The following TMEM116 variants were observed in gnomAD, a reference collection of about 807,000 sequenced individuals.
TMEM116 encodes transmembrane protein 116.
TMEM116 carries 38 observed loss-of-function variants against 44.3 expected under a neutral mutation model. That is an observed-to-expected ratio of 0.86 (90% confidence interval 0.66 to 1.12). TMEM116 has a LOEUF of 1.12. Among genes scored for constraint, TMEM116 ranks in the 50% most tolerant of loss-of-function variants. The pLI is 0.00. For missense variants in TMEM116, 354 were observed against 401.7 expected (o/e 0.88, Z 1.01); for synonymous variants, 132 against 144.8 (o/e 0.91, Z 0.64).
rs867940390 is a variant in TMEM116 at position 111,993,272 on chromosome 12, G to A, written c.79-1383C>T. The A allele has an allele frequency of 8.8e-5, 40 of 456,776 alleles. 1 individual carries two copies. The highest frequency in any genetic ancestry group is 6.4e-4 in the South Asian group (35 of 54,686). The allele number at this position is 456,776 out of a possible 1,614,324, so 28.3% of individuals were successfully genotyped here. On this transcript the variant is annotated intron_variant, in intron 3 of 10. Transcript: ENST00000552374. The stretch of plus-strand genomic sequence containing the variant: ...GTTTAGTGAAATGCTGTATGCAGGT[G>A]GACCCCCAAAAGTAGAAGGGCATAT...
chr12:112,003,294 C>A (rs376402932), intron 3 of TMEM116, among the ~76,000 whole-genome samples: 6 of 152,112 alleles, frequency 3.9e-5, no homozygotes, highest in South Asian at 2.1e-4. Context: ...CAGGGCTGGG[C>A]GCGGTGGCTC....
chr12:112,006,050 T>C, intron 1 of TMEM116: 1 of 932,730 alleles, frequency 1.1e-6, no homozygotes, highest in Non-Finnish European at 1.3e-6. Flanking sequence ...AGTCAGGTTC[T>C]GAATCCTGAA....
At chr12:111,993,289 A>C in intron 3 of TMEM116, 3 of 465,278 alleles carry the variant, frequency 6.4e-6, no homozygotes, top group South Asian at 5.3e-5. Flanking sequence ...CAAAAGTAGA[A>C]GGGCATATTT....
intron 4 of TMEM116, among the ~76,000 whole-genome samples, chr12:111,949,874 G>A (rs2073578368): frequency 6.6e-6 from 1 of 152,156 alleles, no homozygotes; most frequent in Admixed American, 6.5e-5. Flanking sequence ...CAGCACTTTG[G>A]AAGACCGAGG....
At chr12:111,943,421 A>C in intron 4 of TMEM116, 52 bp from the exon 5 acceptor site, 1 of 1,285,982 alleles carries the variant, frequency 7.8e-7, no homozygotes, top group Non-Finnish European at 1.1e-6. Context: ...TGACACTGTG[A>C]AGTTCTTTCA....
chr12:111,931,965 T>C, intron 10 of TMEM116, 138 bp from the exon 11 acceptor site: 1 of 629,588 alleles, frequency 1.6e-6, no homozygotes. Flanking sequence ...CAGTTTTTTA[T>C]ATTTTTCTAG....
chr12:111,988,136 A>G (rs1457358083), intron 4 of TMEM116, among the ~76,000 whole-genome samples: 1 of 152,182 alleles, frequency 6.6e-6, no homozygotes, highest in African/African-American at 2.4e-5. Flanking sequence ...ATTCATAGAG[A>G]CAGAAAGTAG....
chr12:111,979,453 CAGAA>C (rs1238848524), intron 4 of TMEM116, among the ~76,000 whole-genome samples: 3 of 152,052 alleles, frequency 2.0e-5, no homozygotes, highest in Admixed American at 6.6e-5. Context: ...AGAAGGAAAA[CAGAA>C]AGCAGACTGG....
chr12:111,999,393 C>G (rs1380367547), intron 3 of TMEM116, among the ~76,000 whole-genome samples: 2 of 152,036 alleles, frequency 1.3e-5, no homozygotes, highest in Admixed American at 6.6e-5. Flanking sequence ...GTCAGGAGTT[C>G]AACACCAGCT....
At chr12:111,987,502 C>A (rs1208707069) in intron 4 of TMEM116, among the ~76,000 whole-genome samples, 1 of 148,104 alleles carries the variant, frequency 6.8e-6, no homozygotes, top group Non-Finnish European at 1.5e-5. Context: ...GAGACTTTGT[C>A]CCCCCTCAAA....
chr12:112,005,325 G>A (rs144130853), intron 1 of TMEM116, 22 bp from the exon 2 acceptor site: 1 of 1,287,238 alleles, frequency 7.8e-7, no homozygotes, highest in Non-Finnish European at 9.8e-7. Context: ...AAGGAAAACG[G>A]AATAAAATTA....
At chr12:111,936,645 C>T in intron 8 of TMEM116, 47 bp downstream of exon 8, 2 of 1,595,140 alleles carry the variant, frequency 1.3e-6, no homozygotes, top group Non-Finnish European at 1.7e-6. Flanking sequence ...GGCCCATCCC[C>T]TTCATTTCCT....
At chr12:111,964,366 C>T (rs541626680) in intron 4 of TMEM116, among the ~76,000 whole-genome samples, 7 of 150,518 alleles carry the variant, frequency 4.7e-5, no homozygotes. Flanking sequence ...CACTTGAACC[C>T]GGGAGATGGA....
At chr12:111,963,218 G>C (rs188602688) in intron 4 of TMEM116, among the ~76,000 whole-genome samples, 153 of 152,314 alleles carry the variant, frequency 1.0e-3, no homozygotes, top group African/African-American at 3.6e-3. Flanking sequence ...CTTTTACACT[G>C]TTGGTGGGAG....
intron 4 of TMEM116, among the ~76,000 whole-genome samples, chr12:111,944,734 A>C (rs1027755615): frequency 9.2e-5 from 14 of 152,204 alleles, no homozygotes; most frequent in African/African-American, 3.4e-4. Flanking sequence ...AACCAGAGAA[A>C]GAATCCTCAG....
intron 4 of TMEM116, among the ~76,000 whole-genome samples, chr12:111,958,601 A>G (rs1345598446): frequency 1.3e-5 from 2 of 152,218 alleles, no homozygotes; most frequent in African/African-American, 2.4e-5. Context: ...GAACCTTGAA[A>G]AAAGGTTAGA....
chr12:111,956,985 G>A (rs1376889953), intron 4 of TMEM116, among the ~76,000 whole-genome samples: 1 of 151,752 alleles, frequency 6.6e-6, no homozygotes, highest in East Asian at 1.9e-4. Flanking sequence ...CGTCTGTGAT[G>A]TGAGGAGCCC....
At chr12:111,960,949 AGAG>A (rs1289950555) in intron 4 of TMEM116, among the ~76,000 whole-genome samples, 2 of 152,168 alleles carry the variant, frequency 1.3e-5, no homozygotes, top group Non-Finnish European at 1.5e-5. Flanking sequence ...ACAAAGAAGA[AGAG>A]AAGAATCAAA....
Position 111,970,587 on chromosome 12 carries a change from T to A in TMEM116, c.210+21171A>T, listed in dbSNP as rs2075274902. Reference sequence around the variant, plus strand: ...TTAAGGCACTTCATAATCAAATGGGTTTTTTTTTTTTTTTTTTGAGACGGA... The same window carrying A: ...TTAAGGCACTTCATAATCAAATGGGATTTTTTTTTTTTTTTTTGAGACGGA... On this transcript the variant is annotated intron_variant, in intron 4 of 10. Coordinates refer to ENST00000552374, the MANE Select transcript of TMEM116 (RefSeq NM_001193531.2). Among the ~76,000 whole-genome samples the A allele has an allele frequency of 4.1e-5, 3 of 73,846 alleles. No homozygotes were observed. In the Admixed American group the frequency reaches 4.5e-4, roughly 11 times the overall value. The allele number at this position is 73,846 out of a possible 152,430, so 48.4% of individuals were successfully genotyped here. A position where few individuals can be genotyped will look rare whatever the true frequency, so the allele number is the denominator to read the frequency against.
Sources: gnomAD v4.1 joint callset for allele counts (sites outside exome capture counted in the v4.1 genomes callset) on GRCh38, gnomAD v4.1.1 for gene constraint, MANE v1.5 for transcripts, NCBI Gene and HGNC (gene_info 2026-07-23, HGNC 2026-07-21) for gene names.